Variants in WWOX observed in about 807,000 individuals in gnomAD.
WWOX encodes WW domain-containing oxidoreductase.
WWOX carries 69 observed loss-of-function variants against 46.2 expected under a neutral mutation model. That is an observed-to-expected ratio of 1.49 (90% confidence interval 1.23 to 1.82). The LOEUF (loss-of-function observed/expected upper bound fraction) is 1.82, where lower values mean the gene tolerates loss of function less well. Among genes scored for constraint, WWOX ranks in the 40% most tolerant of loss-of-function variants. WWOX has a pLI of 0.00. For missense variants in WWOX, 919 were observed against 542.6 expected (o/e 1.69, Z -6.89); for synonymous variants, 359 against 202.6 (o/e 1.77, Z -6.56).
chr16:79,093,690 T>G (rs61086787), intron 8 of WWOX, among the ~76,000 whole-genome samples: 23,930 of 152,168 alleles, frequency 0.16, 2,267 homozygotes, highest in African/African-American at 0.25. Context: ...CAGGCAGTGC[T>G]TCAGCCTTTT....
At chr16:78,158,777 A>G (rs2034687652) in intron 4 of WWOX, among the ~76,000 whole-genome samples, 1 of 152,172 alleles carries the variant, frequency 6.6e-6, no homozygotes, top group South Asian at 2.1e-4. Context: ...TGATGTATAG[A>G]ACTTGATAAG....
intron 8 of WWOX, among the ~76,000 whole-genome samples, chr16:79,135,871 G>A (rs1027043969): frequency 6.6e-6 from 1 of 151,980 alleles, no homozygotes; most frequent in Non-Finnish European, 1.5e-5. Flanking sequence ...TTTCTGAACT[G>A]CCTTTCCATA....
chr16:78,106,022 G>A (rs551271908), intron 1 of WWOX, among the ~76,000 whole-genome samples: 2 of 152,152 alleles, frequency 1.3e-5, no homozygotes, highest in African/African-American at 4.8e-5. Flanking sequence ...GGCTGGTCTC[G>A]ATCTCCTGGG....
intron 8 of WWOX, among the ~76,000 whole-genome samples, chr16:78,955,633 T>C (rs886348357): frequency 2.0e-5 from 3 of 152,086 alleles, no homozygotes; most frequent in African/African-American, 7.2e-5. Context: ...CTTGTTTCTT[T>C]TTATTTTTAA....
At chr16:79,076,583 A>C (rs145625955) in intron 8 of WWOX, among the ~76,000 whole-genome samples, 97 of 152,286 alleles carry the variant, frequency 6.4e-4, no homozygotes, top group South Asian at 2.9e-3. Context: ...ACCTCAGCCT[A>C]TCCAGGCCCC....
chr16:78,704,412 T>C (rs963025622), intron 8 of WWOX, among the ~76,000 whole-genome samples: 2 of 152,174 alleles, frequency 1.3e-5, no homozygotes, highest in East Asian at 1.9e-4. Flanking sequence ...TAATGCACAA[T>C]ACATGTAGTG....
intron 8 of WWOX, among the ~76,000 whole-genome samples, chr16:78,505,935 G>T (rs1441888471): frequency 6.6e-6 from 1 of 152,222 alleles, no homozygotes; most frequent in Non-Finnish European, 1.5e-5. Flanking sequence ...GGACCCGGTT[G>T]GCTCTGCAAA....
At chr16:78,759,641 T>C (rs2049742017) in intron 8 of WWOX, among the ~76,000 whole-genome samples, 1 of 152,200 alleles carries the variant, frequency 6.6e-6, no homozygotes, top group Non-Finnish European at 1.5e-5. Context: ...ACTGCATGCC[T>C]ACAATCATCC....
chr16:78,548,972 A>T (rs546298785), intron 8 of WWOX, among the ~76,000 whole-genome samples: 2 of 152,208 alleles, frequency 1.3e-5, no homozygotes, highest in Non-Finnish European at 2.9e-5. Context: ...GGCATTTCCA[A>T]CAGATGGATG....
intron 8 of WWOX, chr16:78,895,537 T>C (rs1341338717): frequency 6.6e-6 from 1 of 152,174 alleles, no homozygotes; most frequent in Non-Finnish European, 1.5e-5. Flanking sequence ...GTTGTCAAAT[T>C]TACACTGTCC....
At chr16:78,143,752 G>GTTTTTTTTTTTTTTTTTTTTTTTTT (rs200125720) in intron 4 of WWOX, among the ~76,000 whole-genome samples, 1 of 120,240 alleles carries the variant, frequency 8.3e-6, no homozygotes, top group Non-Finnish European at 1.7e-5. Flanking sequence ...GAATTGGTAT[G>GTTTTTTTTTTTTTTTTTTTTTTTTT]TTTTTTTTTT....
intron 8 of WWOX, among the ~76,000 whole-genome samples, chr16:78,957,018 A>G (rs570809142): frequency 6.6e-6 from 1 of 152,246 alleles, no homozygotes; most frequent in Admixed American, 6.5e-5. Flanking sequence ...TCCGTGTGTT[A>G]TTCACATGCT....
intron 8 of WWOX, among the ~76,000 whole-genome samples, chr16:78,607,495 G>A (rs1158021037): frequency 6.6e-6 from 1 of 152,142 alleles, no homozygotes; most frequent in African/African-American, 2.4e-5. Context: ...TTTTATTGGT[G>A]CTAAGGGCTG....
chr16:79,071,231 C>T (rs2048544666), intron 8 of WWOX, among the ~76,000 whole-genome samples: 1 of 152,190 alleles, frequency 6.6e-6, no homozygotes, highest in South Asian at 2.1e-4. Flanking sequence ...TTGTACTCCT[C>T]TCCTAAGAGC....
At position 79,211,618 on chromosome 16, in the gene WWOX, C is replaced by A; in HGVS notation, c.1067C>A (p.Ala356Asp). Residue 356 changes from alanine (A) to aspartate (D), a missense_variant, in exon 9 of 9, where the codon GCT becomes GAT. By Grantham distance (126) the Ala-to-Asp change is moderately radical. Coordinates refer to ENST00000566780, the MANE Select transcript of WWOX (RefSeq NM_016373.4). ...TTCTTGGATTTCCAGCAACAGGGAG[C>A]TGCCACCACCGTGTACTGTGCTGCT... The part of the protein sequence containing the change: ...RPFTKSMQQG[A>D]ATTVYCAAVP... 1 of 1,614,198 alleles carries A rather than the reference C, an allele frequency of 6.2e-7. No individual in the cohort carries two copies. The highest frequency in any genetic ancestry group is 8.5e-7 in the Non-Finnish European group (1 of 1,180,042).
intron 8 of WWOX, among the ~76,000 whole-genome samples, chr16:78,672,654 A>T (rs1037155621): frequency 6.6e-6 from 1 of 152,232 alleles, no homozygotes; most frequent in Non-Finnish European, 1.5e-5. Flanking sequence ...ATAGCTGAAA[A>T]GATACTTAAA....
intron 8 of WWOX, among the ~76,000 whole-genome samples, chr16:78,556,595 T>C (rs2044302570): frequency 6.6e-6 from 1 of 152,148 alleles, no homozygotes; most frequent in Non-Finnish European, 1.5e-5. Flanking sequence ...TGAGTTGCCG[T>C]GCCCACCACG....
At chr16:78,256,984 C>G (rs1718689389) in intron 5 of WWOX, among the ~76,000 whole-genome samples, 1 of 151,932 alleles carries the variant, frequency 6.6e-6, no homozygotes, top group Admixed American at 6.6e-5. Flanking sequence ...TCAGGTGAGG[C>G]CAAGGCAGTC....
rs189640867 is a variant in WWOX at position 78,379,969 on chromosome 16, C to T, written c.517-6891C>T. 2.4e-4 allele frequency among the ~76,000 whole-genome samples: 37 copies of T among 152,278 alleles called. No homozygotes were observed. The East Asian group carries it at 2.9e-3, about 12-fold the overall frequency. On this transcript the variant is annotated intron_variant, in intron 5 of 8. Coordinates refer to ENST00000566780, the MANE Select transcript of WWOX (RefSeq NM_016373.4). ...GAAAACGGAGATTGAATCTGGAAAACGCATTCATCTTTAGAGGCAGTGTTA... is the reference window on the plus strand; with the variant it reads ...GAAAACGGAGATTGAATCTGGAAAATGCATTCATCTTTAGAGGCAGTGTTA...
Sources: gnomAD v4.1 joint callset for allele counts (sites outside exome capture counted in the v4.1 genomes callset) on GRCh38, gnomAD v4.1.1 for gene constraint, MANE v1.5 for transcripts, NCBI Gene and HGNC (gene_info 2026-07-23, HGNC 2026-07-21) for gene names.